Variants in TBC1D19 observed in about 807,000 individuals in gnomAD.
The protein encoded by TBC1D19 is TBC1 domain family, member 19.
A neutral mutation model predicts 89.0 loss-of-function variants in TBC1D19; 60 were observed. That is an observed-to-expected ratio of 0.67 (90% CI 0.55 to 0.84). The LOEUF (loss-of-function observed/expected upper bound fraction) is 0.84, where lower values mean the gene tolerates loss of function less well. Ranked by LOEUF, TBC1D19 falls within the 40% of genes least tolerant of loss-of-function variation. The probability of loss-of-function intolerance (pLI) is 0.00; values close to 1 mark genes in which losing one functional copy is unlikely to be tolerated. For synonymous variants in TBC1D19, 189 were observed against 199.7 expected (o/e 0.95, Z 0.45); for missense variants, 500 against 610.8 (o/e 0.82, Z 1.91).
intron 13 of TBC1D19, among the ~76,000 whole-genome samples, chr4:26,716,776 T>C (rs1417590687): frequency 1.3e-5 from 2 of 152,044 alleles, no homozygotes; most frequent in Admixed American, 1.3e-4. Context: ...GTTTCCCCTT[T>C]TGTTTATCAT....
At chr4:26,810,045 G>T in the TBC1D19 span, among the ~76,000 whole-genome samples, 1 of 152,152 alleles carries the variant, frequency 6.6e-6, no homozygotes, top group African/African-American at 2.4e-5. Flanking sequence ...ACTCCTTCTT[G>T]CCCTCACACA....
At chr4:26,771,865 A>G in the TBC1D19 span, among the ~76,000 whole-genome samples, 1 of 152,220 alleles carries the variant, frequency 6.6e-6, no homozygotes, top group Non-Finnish European at 1.5e-5. Context: ...ACCCCAAAAT[A>G]AGTAGAATAA....
intron 4 of TBC1D19, among the ~76,000 whole-genome samples, chr4:26,621,763 A>G (rs1445166168): frequency 1.3e-5 from 2 of 152,250 alleles, no homozygotes; most frequent in African/African-American, 2.4e-5. Flanking sequence ...TTATTTATCA[A>G]TTTGTCATAA....
Position 26,726,289 on chromosome 4 carries a change from G to T in TBC1D19, c.1084+6164G>T, listed in dbSNP as rs1717318641. Among the ~76,000 whole-genome samples, 3 of 152,044 alleles carry T rather than the reference G, an allele frequency of 2.0e-5. No homozygotes were observed. In the South Asian group the frequency reaches 6.2e-4, roughly 32 times the overall value. On this transcript the variant is annotated intron_variant, in intron 15 of 20. Transcript: ENST00000264866. ...GGACAGCCCCTTACAACAAAGATTAGATAAGGCTCTTAGAAGAAAAATAAT... is the reference window on the plus strand; with the variant it reads ...GGACAGCCCCTTACAACAAAGATTATATAAGGCTCTTAGAAGAAAAATAAT...
chr4:26,583,288 T>C (rs1739185129), upstream of TBC1D19, among the ~76,000 whole-genome samples: 1 of 152,228 alleles, frequency 6.6e-6, no homozygotes, highest in Non-Finnish European at 1.5e-5. Flanking sequence ...TAAAAATCTT[T>C]TGTGCATTTC....
At chr4:26,743,524 C>T (rs1718484292) in intron 18 of TBC1D19, among the ~76,000 whole-genome samples, 1 of 151,882 alleles carries the variant, frequency 6.6e-6, no homozygotes, top group South Asian at 2.1e-4. Flanking sequence ...GAATTAGTAC[C>T]TTGCAGAGTT....
intron 16 of TBC1D19, among the ~76,000 whole-genome samples, chr4:26,739,137 C>T (rs932884989): frequency 1.3e-5 from 2 of 152,108 alleles, no homozygotes; most frequent in African/African-American, 4.8e-5. Flanking sequence ...GTAGAATAAT[C>T]ACATGCTCAG....
the TBC1D19 span, among the ~76,000 whole-genome samples, chr4:26,804,387 C>G: frequency 6.6e-6 from 1 of 152,212 alleles, no homozygotes; most frequent in Admixed American, 6.5e-5. Context: ...CTCAGTTGAT[C>G]CACTGGCTTC....
At chr4:26,609,055 G>A (rs1396353335) in intron 1 of TBC1D19, among the ~76,000 whole-genome samples, 5 of 110,608 alleles carry the variant, frequency 4.5e-5, no homozygotes, top group Non-Finnish European at 9.3e-5. Context: ...CTGTTGTGGG[G>A]TGGGGGGAGG....
At chr4:26,701,358 T>G (rs1715317582) in intron 13 of TBC1D19, among the ~76,000 whole-genome samples, 1 of 152,214 alleles carries the variant, frequency 6.6e-6, no homozygotes, top group South Asian at 2.1e-4. Context: ...TATGTGCTTT[T>G]GAAGTACTGT....
the TBC1D19 span, among the ~76,000 whole-genome samples, chr4:26,838,714 G>T: frequency 6.6e-6 from 1 of 152,156 alleles, no homozygotes; most frequent in Non-Finnish European, 1.5e-5. Flanking sequence ...TGATTACTTC[G>T]CAAGGATTCC....
the TBC1D19 span, among the ~76,000 whole-genome samples, chr4:26,831,998 C>T: frequency 6.6e-6 from 1 of 152,132 alleles, no homozygotes; most frequent in East Asian, 1.9e-4. Flanking sequence ...TTTGCAAAAA[C>T]AAAATACCTG....
chr4:26,581,570 G>A (rs769203709), upstream of TBC1D19, among the ~76,000 whole-genome samples: 19 of 152,156 alleles, frequency 1.2e-4, no homozygotes, highest in African/African-American at 3.4e-4. Flanking sequence ...TTATGGCTGC[G>A]TAGTATTCCA....
At chr4:26,591,473 C>T (rs1739802426) in intron 1 of TBC1D19, among the ~76,000 whole-genome samples, 3 of 151,918 alleles carry the variant, frequency 2.0e-5, no homozygotes, top group Admixed American at 2.0e-4. Flanking sequence ...GAGCTGGAGT[C>T]CTTTAAAAAT....
the TBC1D19 span, among the ~76,000 whole-genome samples, chr4:26,819,950 C>T: frequency 0.014 from 2,167 of 152,280 alleles, 70 homozygotes; most frequent in African/African-American, 0.049. Flanking sequence ...TCACCAATTT[C>T]GGTCCTTTTC....
At position 26,613,118 on chromosome 4, in the gene TBC1D19, G is replaced by C; in HGVS notation, c.100-51G>C. The C allele has an allele frequency of 4.0e-6, 5 of 1,250,994 alleles. 1 individual carries two copies. The South Asian group carries it at 4.3e-5, about 11-fold the overall frequency. 77.5% of individuals were successfully genotyped at this position (1,250,994 alleles called of 1,614,324 possible). ...ATATCAACCCAAATGATTTACTTTG[G>C]ATATCTTTTCCTTCCTTATCTTTCT... On this transcript the variant is annotated intron_variant, in intron 1 of 20. Coordinates refer to ENST00000264866, the MANE Select transcript of TBC1D19 (RefSeq NM_018317.4).
chr4:26,602,656 G>A (rs1740707996), intron 1 of TBC1D19, among the ~76,000 whole-genome samples: 1 of 151,764 alleles, frequency 6.6e-6, no homozygotes, highest in African/African-American at 2.4e-5. Context: ...TAGCCAGGAT[G>A]GTCTCAATCT....
chr4:26,783,182 A>C, the TBC1D19 span, among the ~76,000 whole-genome samples: 1 of 152,218 alleles, frequency 6.6e-6, no homozygotes, highest in African/African-American at 2.4e-5. Context: ...CATCTTGAGC[A>C]TCTAGGTTAT....
At chr4:26,795,233 C>T in the TBC1D19 span, among the ~76,000 whole-genome samples, 2 of 150,504 alleles carry the variant, frequency 1.3e-5, no homozygotes, top group East Asian at 1.9e-4. Context: ...GAATGCACCT[C>T]CCAGCTCTAC....
Sources: allele counts gnomAD v4.1 joint callset (sites outside exome capture counted in the v4.1 genomes callset), GRCh38; gene constraint gnomAD v4.1.1; transcripts MANE v1.5; gene names NCBI Gene and HGNC (gene_info 2026-07-23, HGNC 2026-07-21).